The following PYGO1 variants were observed in gnomAD, a reference collection of about 807,000 sequenced individuals.
PYGO1 encodes the protein pygopus homolog 1.
Under a neutral mutation model 29.5 loss-of-function variants are expected in PYGO1, and 6 were observed. The observed-to-expected ratio is 0.20, with a 90% confidence interval of 0.11 to 0.40. The LOEUF (loss-of-function observed/expected upper bound fraction) is 0.40, where lower values mean the gene tolerates loss of function less well. PYGO1 is among the 10% of genes least tolerant of loss of function. The pLI, the probability that PYGO1 is intolerant of heterozygous loss-of-function variation, is 1.00. For missense variants in PYGO1, 515 were observed against 514.9 expected (o/e 1.00, Z 0.00); for synonymous variants, 186 against 180.5 (o/e 1.03, Z -0.24).
chr15:55,578,296 T>G (rs2059012135), intron 1 of PYGO1, among the ~76,000 whole-genome samples: 1 of 152,198 alleles, frequency 6.6e-6, no homozygotes, highest in Admixed American at 6.5e-5. Flanking sequence ...GAATAATACT[T>G]CTATAAATAT....
intron 1 of PYGO1, among the ~76,000 whole-genome samples, chr15:55,562,031 G>C (rs550637451): frequency 6.6e-6 from 1 of 152,086 alleles, no homozygotes; most frequent in South Asian, 2.1e-4. Flanking sequence ...AGTGGGCAAA[G>C]GACATGAACA....
At chr15:55,551,467 G>GA (rs1327127115) in intron 1 of PYGO1, among the ~76,000 whole-genome samples, 1 of 151,980 alleles carries the variant, frequency 6.6e-6, no homozygotes, top group African/African-American at 2.4e-5. Context: ...ATCACAAGGG[G>GA]AAAAAACCAA....
Position 55,542,438 on chromosome 15 carries a change from T to G in PYGO1, c.*3585A>C, listed in dbSNP as rs1251652666. 1 of 152,240 alleles carries G rather than the reference T, an allele frequency of 6.6e-6. No individual in the cohort carries two copies. The highest frequency in any genetic ancestry group is 1.5e-5 in the Non-Finnish European group (1 of 68,046). The allele number at this position is 152,240 out of a possible 1,614,324, so 9.4% of individuals were successfully genotyped here. On this transcript the variant is annotated 3_prime_UTR_variant, in exon 3 of 3. Transcript: ENST00000563719. ...CTAATTTGAATAACAATTATAGCAG[T>G]ACTCTAAAGTATTTCACACAAAAGG...
At chr15:55,560,162 T>C (rs1005835763) in intron 1 of PYGO1, among the ~76,000 whole-genome samples, 2 of 152,128 alleles carry the variant, frequency 1.3e-5, no homozygotes, top group African/African-American at 2.4e-5. Context: ...CTATTAAATA[T>C]AGTACTCAAA....
At chr15:55,579,932 T>TA (rs2059018907) in intron 1 of PYGO1, among the ~76,000 whole-genome samples, 1 of 152,182 alleles carries the variant, frequency 6.6e-6, no homozygotes, top group Non-Finnish European at 1.5e-5. Context: ...ATGGTATTAA[T>TA]TTTATATTTA....
intron 2 of PYGO1, among the ~76,000 whole-genome samples, chr15:55,548,171 C>G (rs1011692633): frequency 6.6e-6 from 1 of 151,992 alleles, no homozygotes; most frequent in Non-Finnish European, 1.5e-5. Context: ...AGGAGTGTGC[C>G]ACCACACCCG....
intron 1 of PYGO1, among the ~76,000 whole-genome samples, chr15:55,574,410 T>C (rs746390551): frequency 6.6e-6 from 1 of 152,230 alleles, no homozygotes; most frequent in Non-Finnish European, 1.5e-5. Flanking sequence ...CTGCAAATGC[T>C]TGTGTAAGTT....
Position 55,546,838 on chromosome 15 carries a change from C to G in PYGO1, c.445G>C (p.Gly149Arg), listed in dbSNP as rs772869757. 1 of 1,613,894 alleles carries G rather than the reference C, an allele frequency of 6.2e-7. No individual in the cohort carries two copies. Among genetic ancestry groups the G allele is most frequent in the South Asian group, 1.1e-5 (1 of 91,064 alleles). The stretch of plus-strand genomic sequence containing the variant: ...CCGAAACTTGAATTATCATGTGGCC[C>G]AAAGTTAAAAGCATGAGGTCGATTA... ...GFNRPHAFNF[G>R]PHDNSSFGNP... is the part of the protein sequence containing the mutation. The change falls in exon 3 of 3, where the codon GGG becomes CGG. Residue 149 changes from glycine (G) to arginine (R), a missense_variant. Gly to Arg is a moderately radical substitution (Grantham distance 125). Coordinates refer to ENST00000563719, the MANE Select transcript of PYGO1 (RefSeq NM_001367806.1).
intron 1 of PYGO1, among the ~76,000 whole-genome samples, chr15:55,562,221 C>T (rs1377759879): frequency 2.0e-5 from 3 of 152,212 alleles, no homozygotes; most frequent in Admixed American, 1.3e-4. Flanking sequence ...GAAAAAGGAA[C>T]ACTTTTACAC....
chr15:55,586,607 T>C (rs1204460685), intron 1 of PYGO1, among the ~76,000 whole-genome samples: 1 of 152,232 alleles, frequency 6.6e-6, no homozygotes, highest in Non-Finnish European at 1.5e-5. Flanking sequence ...CCTTGCTCAC[T>C]TTGCTGCAGT....
chr15:55,558,119 TCTC>T (rs2141656173), intron 1 of PYGO1, among the ~76,000 whole-genome samples: 1 of 152,174 alleles, frequency 6.6e-6, no homozygotes, highest in Admixed American at 6.5e-5. Flanking sequence ...CAGCCCAAAA[TCTC>T]CTTAAACAGA....
chr15:55,542,685 C>T lies in PYGO1; in HGVS notation c.*3338G>A, dbSNP rs2141638855. On this transcript the variant is annotated 3_prime_UTR_variant, in exon 3 of 3. Coordinates refer to ENST00000563719, the MANE Select transcript of PYGO1 (RefSeq NM_001367806.1). ...GTGGCTTACACCTGTAATCCCAGCA[C>T]TTTGGGAGGCTGAGGCGGGCAGATC... 6.6e-6 allele frequency: 1 copy of T among 152,270 alleles called. No homozygotes were observed. Among genetic ancestry groups the T allele is most frequent in the Non-Finnish European group, 1.5e-5 (1 of 68,054 alleles). 9.4% of individuals were successfully genotyped at this position (152,270 alleles called of 1,614,324 possible).
At chr15:55,575,818 A>T (rs1190778741) in intron 1 of PYGO1, among the ~76,000 whole-genome samples, 1 of 152,142 alleles carries the variant, frequency 6.6e-6, no homozygotes, top group Non-Finnish European at 1.5e-5. Flanking sequence ...CCAAGCCCAG[A>T]GGTATTAATA....
intron 1 of PYGO1, among the ~76,000 whole-genome samples, chr15:55,580,724 A>G (rs748088054): frequency 2.0e-4 from 30 of 152,220 alleles, no homozygotes; most frequent in Non-Finnish European, 3.8e-4. Context: ...TGCAGTTAGC[A>G]CATCTACAGA....
At chr15:55,582,320 T>C (rs2059028726) in intron 1 of PYGO1, among the ~76,000 whole-genome samples, 1 of 151,726 alleles carries the variant, frequency 6.6e-6, no homozygotes, top group Non-Finnish European at 1.5e-5. Flanking sequence ...GGGAATATGG[T>C]AGAAAAAGAA....
chr15:55,546,119 T>C lies in PYGO1; in HGVS notation c.1164A>G (p.Ala388=), dbSNP rs199699382. ...AYGLLTAEAS[A]VWGCDTCMAD... The stretch of plus-strand genomic sequence containing the variant: ...CCATACAGGTATCACAGCCCCATAC[T>C]GCAGATGCTTCTGCAGTTAAGAGGC... The change falls in exon 3 of 3, where the codon GCA becomes GCG. Residue 388 remains alanine, a synonymous_variant. Transcript: ENST00000563719. 66 of 1,614,208 alleles carry C rather than the reference T, an allele frequency of 4.1e-5. No individual in the cohort carries two copies. The East Asian group carries it at 1.4e-3, about 33-fold the overall frequency.
At position 55,546,007 on chromosome 15, in the gene PYGO1, T is replaced by A. The variant is rs145824639; in HGVS notation, c.*16A>T. 618 of 1,568,160 alleles carry A rather than the reference T, an allele frequency of 3.9e-4. 1 individual carries two copies. In the African/African-American group the frequency reaches 6.3e-3, roughly 16 times the overall value. Reference sequence around the variant, plus strand: ...AATGCACAGGAAAATAAACCCACTTTAGTTAATGCCTTTGATTAAGCATCA... The same window carrying A: ...AATGCACAGGAAAATAAACCCACTTAAGTTAATGCCTTTGATTAAGCATCA... On this transcript the variant is annotated 3_prime_UTR_variant, in exon 3 of 3. Coordinates refer to ENST00000563719, the MANE Select transcript of PYGO1 (RefSeq NM_001367806.1).
rs775316329 is a variant in PYGO1, at chr15:55,546,933, G to A, written c.350C>T (p.Pro117Leu). ...PPHVPPRMSS[P>L]YCGPYSLRNQ... ...CCTGAGTGAGTAAGGACCACAGTAT[G>A]GGGAAGACATTCTTGGGGGAACGTG... The change falls in exon 3 of 3, where the codon CCA becomes CTA. Residue 117 changes from proline (P) to leucine (L), a missense_variant. Transcript: ENST00000563719. 4 of 1,614,112 alleles carry A rather than the reference G, an allele frequency of 2.5e-6. No individual in the cohort carries two copies. In the East Asian group the frequency reaches 8.9e-5, roughly 36 times the overall value.
At chr15:55,572,240 TAAAC>T in intron 1 of PYGO1, among the ~76,000 whole-genome samples, 1 of 152,000 alleles carries the variant, frequency 6.6e-6, no homozygotes, top group Admixed American at 6.5e-5. Flanking sequence ...AGCCCAGAAA[TAAAC>T]CAACAAATAC....
Sources: gnomAD v4.1 joint callset for allele counts (sites outside exome capture counted in the v4.1 genomes callset) on GRCh38, gnomAD v4.1.1 for gene constraint, MANE v1.5 for transcripts, NCBI Gene and HGNC (gene_info 2026-07-23, HGNC 2026-07-21) for gene names.